Variants in TMEM39B observed in about 807,000 individuals in gnomAD.
TMEM39B encodes the protein transmembrane protein 39B.
TMEM39B carries 23 observed loss-of-function variants against 52.2 expected under a neutral mutation model. That is an observed-to-expected ratio of 0.44 (90% CI 0.32 to 0.62). TMEM39B has a LOEUF of 0.62. TMEM39B is among the 20% of genes least tolerant of loss of function. TMEM39B has a pLI of 0.06. For missense variants in TMEM39B, 547 were observed against 642.0 expected (o/e 0.85, Z 1.60); for synonymous variants, 285 against 264.0 (o/e 1.08, Z -0.77).
At chr1:32,082,373 C>G (rs1055515642) in intron 5 of TMEM39B, among the ~76,000 whole-genome samples, 6 of 152,136 alleles carry the variant, frequency 3.9e-5, no homozygotes, top group African/African-American at 1.2e-4. Flanking sequence ...ATCATTCACT[C>G]CAGGGCCCAG....
At chr1:32,091,631 T>G in intron 5 of TMEM39B, 44 bp from the exon 6 acceptor site, 1 of 1,545,958 alleles carries the variant, frequency 6.5e-7, no homozygotes, top group South Asian at 1.3e-5. Flanking sequence ...GTTGGGATCC[T>G]GGCCCATGGG....
At chr1:32,093,064 T>A (rs1158000582) in intron 6 of TMEM39B, among the ~76,000 whole-genome samples, 1 of 152,198 alleles carries the variant, frequency 6.6e-6, no homozygotes, top group Non-Finnish European at 1.5e-5. Flanking sequence ...GGAAGGTACC[T>A]CCTCAGCTGC....
At chr1:32,090,882 C>T (rs1004469148) in intron 5 of TMEM39B, among the ~76,000 whole-genome samples, 18 of 152,124 alleles carry the variant, frequency 1.2e-4, no homozygotes, top group Middle Eastern at 3.4e-3. Context: ...CCCTGTGATC[C>T]GCCCACCTCA....
At chr1:32,086,131 G>T (rs1427689119) in intron 5 of TMEM39B, among the ~76,000 whole-genome samples, 1 of 152,092 alleles carries the variant, frequency 6.6e-6, no homozygotes, top group Non-Finnish European at 1.5e-5. Context: ...CTTTAGAAAA[G>T]AATCCTTCAG....
intron 5 of TMEM39B, among the ~76,000 whole-genome samples, chr1:32,090,412 C>T (rs984266851): frequency 6.6e-6 from 1 of 152,076 alleles, no homozygotes; most frequent in African/African-American, 2.4e-5. Flanking sequence ...GAGCTGTTCT[C>T]ATATGCACCC....
intron 7 of TMEM39B, among the ~76,000 whole-genome samples, chr1:32,097,398 T>C (rs1184044900): frequency 1.3e-5 from 2 of 151,888 alleles, no homozygotes; most frequent in Non-Finnish European, 2.9e-5. Flanking sequence ...TGGCGCGATC[T>C]TGGCTCAGTG....
chr1:32,086,267 C>T (rs74064029), intron 5 of TMEM39B, among the ~76,000 whole-genome samples: 1 of 152,128 alleles, frequency 6.6e-6, no homozygotes, highest in African/African-American at 2.4e-5. Flanking sequence ...GTGCCCACTT[C>T]AAGGCAGAGT....
chr1:32,077,086 C>T (rs1639894221), intron 4 of TMEM39B, 78 bp from the exon 5 acceptor site: 1 of 1,577,502 alleles, frequency 6.3e-7, no homozygotes, highest in South Asian at 1.2e-5. Context: ...GATCACAGGT[C>T]ATGCTGGGTG....
chr1:32,093,932 C>T (rs1049815366), intron 6 of TMEM39B, among the ~76,000 whole-genome samples: 9 of 151,740 alleles, frequency 5.9e-5, no homozygotes, highest in South Asian at 2.1e-4. Context: ...CATTCTTCTG[C>T]GTCAGCCTCC....
chr1:32,081,825 G>GTA (rs568466572), intron 5 of TMEM39B, among the ~76,000 whole-genome samples: 60 of 152,190 alleles, frequency 3.9e-4, no homozygotes, highest in Middle Eastern at 3.4e-3. Flanking sequence ...GTTTAAAAGA[G>GTA]TATACCATGA....
At chr1:32,080,523 CG>C (rs1441369578) in intron 5 of TMEM39B, among the ~76,000 whole-genome samples, 1 of 151,486 alleles carries the variant, frequency 6.6e-6, no homozygotes, top group African/African-American at 2.4e-5. Flanking sequence ...AAAAACTAGC[CG>C]GGCATGGTGG....
upstream of TMEM39B, chr1:32,072,208 C>T (rs1639678738): frequency 6.6e-6 from 1 of 152,204 alleles, no homozygotes; most frequent in Non-Finnish European, 1.5e-5. Flanking sequence ...ACTAAAACTG[C>T]TTGTAGGTCT....
Position 32,091,976 on chromosome 1 carries a change from T to G in TMEM39B, c.892T>G (p.Tyr298Asp). 6.2e-7 allele frequency: 1 copy of G among 1,614,142 alleles called. No homozygotes were observed. The highest frequency in any genetic ancestry group is 8.5e-7 in the Non-Finnish European group (1 of 1,180,024). Residue 298 changes from tyrosine to aspartate, a missense_variant, in exon 6 of 9, where the codon TAC (tyrosine) becomes GAC (aspartate). Tyr to Asp is a radical substitution (Grantham distance 160). Coordinates refer to ENST00000336294, the MANE Select transcript of TMEM39B (RefSeq NM_018056.4). The stretch of plus-strand genomic sequence containing the variant: ...GCTCGTCAGCTCCATGCTGAGCGCC[T>G]ACTATGTGGCCTTTGTGCCTGTCTG... ...EVLVSSMLSA[Y>D]YVAFVPVWFV... is the part of the protein sequence containing the mutation.
At position 32,094,766 on chromosome 1, in the gene TMEM39B, A is replaced by T; in HGVS notation, c.928-18A>T. The T allele has an allele frequency of 1.2e-6, 2 of 1,613,644 alleles. No homozygotes were observed. The highest frequency in any genetic ancestry group is 2.2e-5 in the South Asian group (2 of 91,078). The stretch of plus-strand genomic sequence containing the variant: ...ATTATGGGGATCCCAGGCCTCACCC[A>T]CCTTCTGCTACCCCCAGAACACACA... On this transcript the variant is annotated intron_variant, in intron 6 of 8. Transcript: ENST00000336294.
intron 5 of TMEM39B, among the ~76,000 whole-genome samples, chr1:32,087,191 A>G (rs1228221687): frequency 6.6e-6 from 1 of 152,026 alleles, no homozygotes; most frequent in Non-Finnish European, 1.5e-5. Flanking sequence ...TAAGTAAAAT[A>G]GAATCTTAAA....
At chr1:32,076,442 A>C in intron 3 of TMEM39B, 1 of 427,304 alleles carries the variant, frequency 2.3e-6, no homozygotes, top group Non-Finnish European at 4.5e-6. Context: ...AGTAGTGGAG[A>C]TGAACCACAG....
At chr1:32,097,676 G>A (rs1024498953) in intron 7 of TMEM39B, among the ~76,000 whole-genome samples, 19 of 144,138 alleles carry the variant, frequency 1.3e-4, no homozygotes, top group East Asian at 6.3e-4. Flanking sequence ...ATGGAGTCTC[G>A]CTCTGTCGCC....
chr1:32,088,097 G>A (rs1410653715), intron 5 of TMEM39B, among the ~76,000 whole-genome samples: 2 of 149,870 alleles, frequency 1.3e-5, no homozygotes, highest in Non-Finnish European at 3.0e-5. Flanking sequence ...CTGTACTCCA[G>A]CCTGGGTGAC....
chr1:32,090,192 C>G (rs560392913), intron 5 of TMEM39B, among the ~76,000 whole-genome samples: 1 of 152,136 alleles, frequency 6.6e-6, no homozygotes, highest in South Asian at 2.1e-4. Flanking sequence ...GGGCATGGCA[C>G]TTACTCAGTT....
Sources: gnomAD v4.1 joint callset for allele counts (sites outside exome capture counted in the v4.1 genomes callset) on GRCh38, gnomAD v4.1.1 for gene constraint, MANE v1.5 for transcripts, NCBI Gene and HGNC (gene_info 2026-07-23, HGNC 2026-07-21) for gene names.